NELL1: variants seen among roughly 807,000 people sequenced by gnomAD.
NELL1 encodes the protein neural EGFL like 1, also known as protein kinase C-binding protein NELL1.
Under a neutral mutation model 107.4 loss-of-function variants are expected in NELL1, and 76 were observed. The ratio of observed to expected loss-of-function variants is 0.71; its 90% confidence interval spans 0.59 to 0.86. NELL1 has a LOEUF of 0.86. Among genes scored for constraint, NELL1 ranks in the 40% least tolerant of loss-of-function variants. The pLI is 0.00. For missense variants in NELL1, 1,024 were observed against 1,005.5 expected (o/e 1.02, Z -0.25); for synonymous variants, 353 against 341.2 (o/e 1.03, Z -0.38).
rs61880425 is a variant in NELL1, at chr11:20,867,983, G to A, written c.507-17461G>A. 3.2e-3 allele frequency among the ~76,000 whole-genome samples: 490 copies of A among 152,300 alleles called. 2 individuals are homozygous for A. The highest frequency in any genetic ancestry group is 5.3e-3 in the Non-Finnish European group (363 of 68,018). On this transcript the variant is annotated intron_variant, in intron 4 of 19. Transcript: ENST00000357134. ...AGGTAAACACAGAGAAATAGAGGGAGGGTGGAAGAGAAGAAAGAGGATGTC... is the reference window on the plus strand; with the variant it reads ...AGGTAAACACAGAGAAATAGAGGGAAGGTGGAAGAGAAGAAAGAGGATGTC...
chr11:20,781,837 TG>T (rs1856855422), intron 2 of NELL1, among the ~76,000 whole-genome samples: 2 of 119,894 alleles, frequency 1.7e-5, no homozygotes, highest in South Asian at 5.5e-4. Context: ...AAGACCAGCC[TG>T]GGCAACATGG....
intron 5 of NELL1, among the ~76,000 whole-genome samples, chr11:20,895,536 C>T (rs1310615193): frequency 3.4e-5 from 4 of 117,742 alleles, no homozygotes; most frequent in Non-Finnish European, 5.1e-5. Flanking sequence ...GACGGAGTCT[C>T]GCTCTGTTGC....
At chr11:20,700,499 AAT>A (rs1491037436) in intron 2 of NELL1, among the ~76,000 whole-genome samples, 14 of 150,940 alleles carry the variant, frequency 9.3e-5, no homozygotes, top group Middle Eastern at 3.5e-3. Flanking sequence ...AAGAAAAAAA[AAT>A]ATATATATTT....
At chr11:21,506,430 A>C (rs1855280844) in intron 15 of NELL1, among the ~76,000 whole-genome samples, 1 of 152,162 alleles carries the variant, frequency 6.6e-6, no homozygotes, top group South Asian at 2.1e-4. Context: ...CACTTAAGAA[A>C]ATAATACAGT....
At chr11:20,772,629 A>ATTCATTCC (rs1236041970) in intron 2 of NELL1, among the ~76,000 whole-genome samples, 1 of 151,988 alleles carries the variant, frequency 6.6e-6, no homozygotes, top group Non-Finnish European at 1.5e-5. Flanking sequence ...TCATTCATTC[A>ATTCATTCC]TTCATTCATT....
chr11:20,739,357 T>C (rs1855834993), intron 2 of NELL1, among the ~76,000 whole-genome samples: 1 of 152,234 alleles, frequency 6.6e-6, no homozygotes, highest in Non-Finnish European at 1.5e-5. Flanking sequence ...TATTTGCAGA[T>C]GGGCAGGATG....
intron 14 of NELL1, among the ~76,000 whole-genome samples, chr11:21,326,020 A>T (rs1377798792): frequency 3.9e-5 from 4 of 101,548 alleles, no homozygotes; most frequent in African/African-American, 1.6e-4. Context: ...CAATTTGTTT[A>T]TCCACCACGG....
chr11:21,268,782 A>C (rs1438203461), intron 14 of NELL1, among the ~76,000 whole-genome samples: 1 of 152,180 alleles, frequency 6.6e-6, no homozygotes, highest in Non-Finnish European at 1.5e-5. Flanking sequence ...TAAAAGGAGA[A>C]AGCACAGTTT....
intron 13 of NELL1, among the ~76,000 whole-genome samples, chr11:21,195,323 CCTGAGT>C (rs1442509701): frequency 6.6e-6 from 1 of 152,104 alleles, no homozygotes; most frequent in Non-Finnish European, 1.5e-5. Context: ...CTTCAGTGAA[CCTGAGT>C]TTGGTCTCAA....
At chr11:20,760,352 A>G (rs1043752346) in intron 2 of NELL1, among the ~76,000 whole-genome samples, 3 of 152,188 alleles carry the variant, frequency 2.0e-5, no homozygotes, top group Non-Finnish European at 4.4e-5. Context: ...GGCTGGTCCA[A>G]TTCTCTGCTA....
At chr11:20,730,155 T>G (rs1792978) in intron 2 of NELL1, among the ~76,000 whole-genome samples, 127,831 of 152,170 alleles carry the variant, frequency 0.84, 53,910 homozygotes, top group East Asian at 0.95. Context: ...GATCCAAGTT[T>G]GATTCCTGTC....
At chr11:21,186,916 G>T (rs1856946934) in intron 13 of NELL1, among the ~76,000 whole-genome samples, 1 of 151,850 alleles carries the variant, frequency 6.6e-6, no homozygotes, top group Non-Finnish European at 1.5e-5. Flanking sequence ...GATCCAGGTT[G>T]ATTTGGTTGT....
chr11:21,314,006 CCCCG>C (rs1389101692), intron 14 of NELL1, among the ~76,000 whole-genome samples: 1,843 of 105,702 alleles, frequency 0.017, 140 homozygotes, highest in African/African-American at 0.068. Flanking sequence ...CCCCCCCCCC[CCCCG>C]CGACCCCCAC....
At chr11:21,244,534 T>C (rs1483301872) in intron 14 of NELL1, among the ~76,000 whole-genome samples, 3 of 152,156 alleles carry the variant, frequency 2.0e-5, no homozygotes, top group Non-Finnish European at 4.4e-5. Flanking sequence ...TTATAGAAAT[T>C]GAATTAGCAG....
intron 7 of NELL1, among the ~76,000 whole-genome samples, chr11:20,923,284 A>C (rs1157405460): frequency 2.6e-5 from 4 of 152,170 alleles, no homozygotes; most frequent in African/African-American, 4.8e-5. Context: ...TTCTCCTTTT[A>C]GGGTTAGGCA....
chr11:20,855,289 T>C (rs945037260), intron 4 of NELL1, among the ~76,000 whole-genome samples: 2 of 152,138 alleles, frequency 1.3e-5, no homozygotes, highest in Non-Finnish European at 2.9e-5. Context: ...GAGAGAGTGA[T>C]CTGCATTTTT....
At chr11:21,077,286 C>T (rs1854159108) in intron 12 of NELL1, among the ~76,000 whole-genome samples, 1 of 151,798 alleles carries the variant, frequency 6.6e-6, no homozygotes, top group Non-Finnish European at 1.5e-5. Context: ...CAACAAAAGG[C>T]AATTTAAGAT....
At chr11:20,810,507 A>T (rs1857477507) in intron 3 of NELL1, among the ~76,000 whole-genome samples, 1 of 152,256 alleles carries the variant, frequency 6.6e-6, no homozygotes, top group Non-Finnish European at 1.5e-5. Context: ...ACTTAGAATA[A>T]TAGTCTCCAA....
intron 15 of NELL1, among the ~76,000 whole-genome samples, chr11:21,444,570 T>G (rs2133850264): frequency 6.6e-6 from 1 of 150,580 alleles, no homozygotes; most frequent in Middle Eastern, 3.4e-3. Flanking sequence ...ATAATCCATC[T>G]TATTGATTTT....
Sources: gnomAD v4.1 joint callset for allele counts (sites outside exome capture counted in the v4.1 genomes callset) on GRCh38, gnomAD v4.1.1 for gene constraint, MANE v1.5 for transcripts, NCBI Gene and HGNC (gene_info 2026-07-23, HGNC 2026-07-21) for gene names.